The following SLC9A8 variants were observed in gnomAD, a reference collection of about 807,000 sequenced individuals.
SLC9A8 encodes sodium/hydrogen exchanger 8.
In SLC9A8, 48 loss-of-function variants were observed where a neutral mutation model predicts 66.6. The ratio of observed to expected loss-of-function variants is 0.72; its 90% CI spans 0.57 to 0.92. The LOEUF is 0.92. Ranked by LOEUF, SLC9A8 falls within the 40% of genes least tolerant of loss-of-function variation. The probability of loss-of-function intolerance (pLI) is 0.00; values close to 1 mark genes in which losing one functional copy is unlikely to be tolerated. For synonymous variants in SLC9A8, 274 were observed against 282.6 expected, an observed-to-expected ratio of 0.97 and a Z score of 0.31; for missense variants, 599 against 747.3, an observed-to-expected ratio of 0.80 and a Z score of 2.31.
chr20:49,836,919 G>A (rs1355909984), intron 3 of SLC9A8, among the ~76,000 whole-genome samples: 2 of 152,116 alleles, frequency 1.3e-5, no homozygotes, highest in Non-Finnish European at 2.9e-5. Context: ...TAAAGGGAAA[G>A]GTCAATCTGG....
At chr20:49,860,275 C>T (rs901083378) in intron 8 of SLC9A8, among the ~76,000 whole-genome samples, 5 of 152,210 alleles carry the variant, frequency 3.3e-5, no homozygotes, top group African/African-American at 1.2e-4. Flanking sequence ...GATGAGTCTG[C>T]AAAGCTTTCA....
At chr20:49,834,185 C>CTCTCTATATA (rs1475975068) in intron 3 of SLC9A8, among the ~76,000 whole-genome samples, 1 of 34,528 alleles carries the variant, frequency 2.9e-5, no homozygotes, top group South Asian at 1.0e-3. Context: ...CTCTCTCTCT[C>CTCTCTATATA]TATATATATA....
Position 49,859,620 on chromosome 20 carries a change from A to G in SLC9A8, c.714-3309A>G, listed in dbSNP as rs1309707849. 3.3e-5 allele frequency among the ~76,000 whole-genome samples: 5 copies of G among 152,040 alleles called. No individual in the cohort carries two copies. The East Asian group carries it at 9.6e-4, about 29-fold the overall frequency. ...ATCTCCAAAGTGAGCTGACACATTT[A>G]TCTTTGCAACTGAATATGTAAATGA... is the stretch of plus-strand genomic sequence containing the variant. On this transcript the variant is annotated intron_variant, in intron 8 of 15. Coordinates refer to ENST00000361573, the MANE Select transcript of SLC9A8 (RefSeq NM_015266.3).
chr20:49,849,413 C>T (rs568569377), intron 5 of SLC9A8, among the ~76,000 whole-genome samples, 166 bp from the exon 6 acceptor site: 2 of 152,142 alleles, frequency 1.3e-5, no homozygotes, highest in East Asian at 1.9e-4. Flanking sequence ...GCAGTAAGTG[C>T]GGGGGTGCAG....
At chr20:49,825,465 A>G (rs2086881742) in intron 3 of SLC9A8, among the ~76,000 whole-genome samples, 1 of 151,924 alleles carries the variant, frequency 6.6e-6, no homozygotes, top group Admixed American at 6.6e-5. Flanking sequence ...ACATGGTGAA[A>G]CCCCTGTCTC....
Position 49,852,824 on chromosome 20 carries a change from G to A in SLC9A8, c.569+1980G>A, listed in dbSNP as rs140774884. ...AACTGTGTAACATGATTTATACAAA[G>A]CATTTCCCCCAGCCTTTTGTTTGTT... On this transcript the variant is annotated intron_variant, in intron 7 of 15. Transcript: ENST00000361573. Among the ~76,000 whole-genome samples the A allele has an allele frequency of 5.9e-4, 89 of 150,162 alleles. No homozygotes were observed. The East Asian group carries it at 0.013, about 22-fold the overall frequency.
intron 12 of SLC9A8, among the ~76,000 whole-genome samples, chr20:49,880,545 C>G (rs2089588529): frequency 2.0e-5 from 3 of 152,138 alleles, no homozygotes; most frequent in African/African-American, 4.8e-5. Context: ...AGCCCTGTCC[C>G]AAGGAGGGGC....
At chr20:49,872,762 G>C (rs1235474031) in intron 10 of SLC9A8, among the ~76,000 whole-genome samples, 7 of 152,156 alleles carry the variant, frequency 4.6e-5, no homozygotes, top group Non-Finnish European at 8.8e-5. Context: ...TGGGATTACA[G>C]GCATGAGCCA....
At chr20:49,829,964 G>A (rs2087103298) in intron 3 of SLC9A8, 1 of 602,586 alleles carries the variant, frequency 1.7e-6, no homozygotes, top group African/African-American at 1.8e-5. Context: ...CCCAAAGAAT[G>A]AGAAGAATGT....
intron 11 of SLC9A8, among the ~76,000 whole-genome samples, chr20:49,875,065 A>G (rs1190176513): frequency 6.6e-6 from 1 of 152,218 alleles, no homozygotes; most frequent in Non-Finnish European, 1.5e-5. Flanking sequence ...GTGAGAACCA[A>G]TTATGAACAT....
At chr20:49,814,564 G>C (rs758109585) in intron 1 of SLC9A8, among the ~76,000 whole-genome samples, 2 of 152,132 alleles carry the variant, frequency 1.3e-5, no homozygotes, top group African/African-American at 2.4e-5. Context: ...AAGTAGGGTA[G>C]GGCATGCCCA....
intron 3 of SLC9A8, among the ~76,000 whole-genome samples, chr20:49,836,196 T>C (rs1012674284): frequency 6.6e-6 from 1 of 152,238 alleles, no homozygotes; most frequent in African/African-American, 2.4e-5. Flanking sequence ...CTGGCTTCTT[T>C]CACTTGGTGT....
chr20:49,837,708 T>C (rs941252514), intron 3 of SLC9A8, among the ~76,000 whole-genome samples: 2 of 152,056 alleles, frequency 1.3e-5, no homozygotes, highest in Non-Finnish European at 2.9e-5. Context: ...TAGCTAGGAT[T>C]AGAGGCGCCC....
intron 7 of SLC9A8, 151 bp downstream of exon 7, chr20:49,850,995 T>TCTCA: frequency 1.7e-6 from 1 of 579,770 alleles, no homozygotes. Flanking sequence ...TACTCTGAGT[T>TCTCA]AATTTGTATC....
intron 14 of SLC9A8, 173 bp downstream of exon 14, chr20:49,884,239 CACG>C (rs1169708938): frequency 0.019 from 2,693 of 143,212 alleles, 65 homozygotes; most frequent in African/African-American, 0.046. Flanking sequence ...CACACACACA[CACG>C]ACACACACAC....
Position 49,864,620 on chromosome 20 carries a change from C to T in SLC9A8, c.853-119C>T, listed in dbSNP as rs1268387669. On this transcript the variant is annotated intron_variant, in intron 9 of 15. Coordinates refer to ENST00000361573, the MANE Select transcript of SLC9A8 (RefSeq NM_015266.3). The stretch of plus-strand genomic sequence containing the variant: ...CAAATTTCCATTTGTAACCTTGGGA[C>T]ATTCTAAAATCTATATCTGTTGTTT... The T allele has an allele frequency of 7.3e-6, 5 of 682,786 alleles. No homozygotes were observed. The East Asian group carries it at 1.4e-4, about 18-fold the overall frequency. The allele number at this position is 682,786 out of a possible 1,614,324, so 42.3% of individuals were successfully genotyped here. A position where few individuals can be genotyped will look rare whatever the true frequency, so the allele number is the denominator to read the frequency against.
chr20:49,863,041 A>C lies in SLC9A8; in HGVS notation c.826A>C (p.Thr276Pro). Residue 276 changes from threonine to proline, a missense_variant, in exon 9 of 16, where the codon ACT (threonine) becomes CCT (proline). Transcript: ENST00000361573. The part of the protein sequence containing the change: ...KMFFGSAALG[T>P]LTGLISALVL... ...GTTCTTTGGCTCTGCAGCGCTCGGC[A>C]CTCTCACTGGCTTAATTTCTGCATT... 14 of 1,613,440 alleles carry C rather than the reference A, an allele frequency of 8.7e-6. No individual in the cohort carries two copies. The highest frequency in any genetic ancestry group is 1.2e-5 in the Non-Finnish European group (14 of 1,179,764).
intron 11 of SLC9A8, 49 bp downstream of exon 11, chr20:49,874,870 C>G (rs376510252): frequency 2.3e-4 from 289 of 1,260,498 alleles, no homozygotes; most frequent in Non-Finnish European, 3.1e-4. Flanking sequence ...CAGAGCTGAT[C>G]TTGCTTCCTT....
At chr20:49,857,046 A>G (rs1170026564) in intron 8 of SLC9A8, among the ~76,000 whole-genome samples, 1 of 152,178 alleles carries the variant, frequency 6.6e-6, no homozygotes, top group Non-Finnish European at 1.5e-5. Context: ...TGAACTCTGC[A>G]TTTTATGGTG....
Sources: gnomAD v4.1 joint callset for allele counts (sites outside exome capture counted in the v4.1 genomes callset) on GRCh38, gnomAD v4.1.1 for gene constraint, MANE v1.5 for transcripts, NCBI Gene and HGNC (gene_info 2026-07-23, HGNC 2026-07-21) for gene names.